CYP7B1: variants seen among roughly 807,000 people sequenced by gnomAD.
CYP7B1 encodes cytochrome P450 family 7 subfamily B member 1.
A neutral mutation model predicts 42.7 loss-of-function variants in CYP7B1; 29 were observed. The observed-to-expected ratio is 0.68, with a 90% CI of 0.51 to 0.93. The LOEUF (loss-of-function observed/expected upper bound fraction) is 0.93. Among genes scored for constraint, CYP7B1 ranks in the 40% least tolerant of loss-of-function variants. The probability of loss-of-function intolerance (pLI) is 0.00; values close to 1 mark genes in which losing one functional copy is unlikely to be tolerated. For synonymous variants in CYP7B1, 235 were observed against 218.2 expected, an observed-to-expected ratio of 1.08 and a Z score of -0.68; for missense variants, 655 against 600.5, an observed-to-expected ratio of 1.09 and a Z score of -0.95.
At chr8:64,630,266 CAGA>C (rs944964552) in intron 1 of CYP7B1, among the ~76,000 whole-genome samples, 9 of 152,264 alleles carry the variant, frequency 5.9e-5, no homozygotes, top group African/African-American at 2.2e-4. Context: ...CAGTCATCAC[CAGA>C]AATCAGGGCT....
intron 1 of CYP7B1, among the ~76,000 whole-genome samples, chr8:64,635,248 T>C (rs775790470): frequency 6.6e-6 from 1 of 152,252 alleles, no homozygotes; most frequent in Non-Finnish European, 1.5e-5. Context: ...AATTATGCAA[T>C]TCATTACCCC....
intron 1 of CYP7B1, among the ~76,000 whole-genome samples, chr8:64,709,952 G>C (rs997855249): frequency 1.3e-5 from 2 of 152,042 alleles, no homozygotes; most frequent in Admixed American, 1.3e-4. Context: ...TTTCATGACT[G>C]ATTTTGTCCT....
intron 1 of CYP7B1, among the ~76,000 whole-genome samples, chr8:64,671,084 T>C (rs893571951): frequency 4.0e-5 from 6 of 151,172 alleles, no homozygotes; most frequent in Admixed American, 1.3e-4. Flanking sequence ...TGTAAATGCC[T>C]CCCCCCCATG....
intron 1 of CYP7B1, among the ~76,000 whole-genome samples, chr8:64,794,634 T>C (rs966387125): frequency 5.3e-5 from 8 of 152,162 alleles, no homozygotes; most frequent in African/African-American, 1.7e-4. Context: ...TATGAAGGCA[T>C]TGCCCTAATG....
At position 64,591,727 on chromosome 8, in the gene CYP7B1, G is replaced by A. The variant is rs1490657042; in HGVS notation, c.*4915C>T. Among the ~76,000 whole-genome samples the A allele has an allele frequency of 1.3e-5, 2 of 152,106 alleles. No homozygotes were observed. Among genetic ancestry groups the A allele is most frequent in the Non-Finnish European group, 2.9e-5 (2 of 68,022 alleles). ...CAAGGCAGATAAAAGTTTTCTTCTAGGTTGCTTATAAGCATGCCTGATTTA... is the reference window on the plus strand; with the variant it reads ...CAAGGCAGATAAAAGTTTTCTTCTAAGTTGCTTATAAGCATGCCTGATTTA... On this transcript the variant is annotated 3_prime_UTR_variant, in exon 6 of 6. Transcript: ENST00000310193.
At chr8:64,705,626 T>G (rs950463449) in intron 1 of CYP7B1, among the ~76,000 whole-genome samples, 1 of 151,946 alleles carries the variant, frequency 6.6e-6, no homozygotes, top group African/African-American at 2.4e-5. Flanking sequence ...TACTTAGAAT[T>G]GACGGTTTTG....
intron 1 of CYP7B1, among the ~76,000 whole-genome samples, chr8:64,788,340 T>C (rs975073070): frequency 6.6e-6 from 1 of 152,194 alleles, no homozygotes; most frequent in African/African-American, 2.4e-5. Context: ...TTCAATGTCA[T>C]TTTGTGATAA....
chr8:64,675,685 CAACACTGA>C (rs1806435676), intron 1 of CYP7B1, among the ~76,000 whole-genome samples: 1 of 152,042 alleles, frequency 6.6e-6, no homozygotes, highest in African/African-American at 2.4e-5. Context: ...ACATCAGGTA[CAACACTGA>C]AACAAACGTG....
At position 64,766,116 on chromosome 8, in the gene CYP7B1, C is replaced by T. The variant is rs1028660680; in HGVS notation, c.122+32350G>A. Among the ~76,000 whole-genome samples the T allele has an allele frequency of 4.6e-5, 7 of 152,126 alleles. No homozygotes were observed. The East Asian group carries it at 9.6e-4, about 21-fold the overall frequency. ...TTCCCCACAGGCCACCAAGCAGTTC[C>T]CAGTGTAGACCCTCACTGGGACGCA... On this transcript the variant is annotated intron_variant, in intron 1 of 5. Coordinates refer to ENST00000310193, the MANE Select transcript of CYP7B1 (RefSeq NM_004820.5).
chr8:64,686,196 T>A (rs1253520362), intron 1 of CYP7B1, among the ~76,000 whole-genome samples: 6 of 44,364 alleles, frequency 1.4e-4, no homozygotes, highest in South Asian at 1.0e-3. Context: ...GGAGCCCCTC[T>A]GCCCGGCCAG....
intron 1 of CYP7B1, among the ~76,000 whole-genome samples, chr8:64,767,245 A>C (rs1804107333): frequency 6.6e-6 from 1 of 152,230 alleles, no homozygotes; most frequent in South Asian, 2.1e-4. Flanking sequence ...CCTGTCAAAC[A>C]TCAGGAAGCC....
At position 64,604,708 on chromosome 8, in the gene CYP7B1, C is replaced by CA. The variant is rs1805250844; in HGVS notation, c.1206dup (p.Asp403Ter). 1 of 1,614,038 alleles carries CA rather than the reference C, an allele frequency of 6.2e-7. No homozygotes were observed. Among genetic ancestry groups the CA allele is most frequent in the Admixed American group, 1.7e-5 (1 of 60,010 alleles). On this transcript the variant is annotated frameshift_variant, in exon 5 of 6. Coordinates refer to ENST00000310193, the MANE Select transcript of CYP7B1 (RefSeq NM_004820.5). LOFTEE classifies it low-confidence loss of function (END_TRUNC). ...TCTGGAGCTTCAAAGATTTCAGGGT[C>CA]ACCATGTAGGACTGGAGGAAAGATG...
chr8:64,692,665 A>T (rs1033234370), intron 1 of CYP7B1, among the ~76,000 whole-genome samples: 1 of 152,182 alleles, frequency 6.6e-6, no homozygotes, highest in African/African-American at 2.4e-5. Flanking sequence ...CAGAAGAGGG[A>T]AAAGTCTCCT....
At chr8:64,766,746 G>A (rs1359264337) in intron 1 of CYP7B1, among the ~76,000 whole-genome samples, 4 of 152,170 alleles carry the variant, frequency 2.6e-5, no homozygotes, top group Admixed American at 2.6e-4. Flanking sequence ...GGGAACGAAG[G>A]TCCTCTGAGT....
chr8:64,712,283 T>C (rs910223534), intron 1 of CYP7B1, among the ~76,000 whole-genome samples: 4 of 152,166 alleles, frequency 2.6e-5, no homozygotes, highest in African/African-American at 9.7e-5. Flanking sequence ...CCTTTTTTTT[T>C]TTTTTAAAAC....
intron 2 of CYP7B1, among the ~76,000 whole-genome samples, chr8:64,622,836 A>G (rs1026703809): frequency 9.9e-5 from 15 of 152,210 alleles, no homozygotes; most frequent in African/African-American, 3.4e-4. Context: ...TAAATCATTG[A>G]GAAACGTAGG....
chr8:64,643,130 TATATATACATATATAC>T (rs1243560497), intron 1 of CYP7B1, among the ~76,000 whole-genome samples: 1 of 131,128 alleles, frequency 7.6e-6, no homozygotes, highest in African/African-American at 2.8e-5. Context: ...CATATATACA[TATATATACATATATAC>T]ATATATACAT....
intron 1 of CYP7B1, among the ~76,000 whole-genome samples, chr8:64,645,225 A>G (rs4737194): frequency 0.7 from 101,145 of 145,090 alleles, 35,047 homozygotes; most frequent in Middle Eastern, 0.74. Context: ...AAACATACAT[A>G]TGCATGTGTC....
rs183838455 is a variant in CYP7B1 at position 64,591,200 on chromosome 8, A to G, written c.*5442T>C. 1.3e-5 allele frequency among the ~76,000 whole-genome samples: 2 copies of G among 152,300 alleles called. No individual in the cohort carries two copies. Among genetic ancestry groups the G allele is most frequent in the African/African-American group, 4.8e-5 (2 of 41,592 alleles). On this transcript the variant is annotated 3_prime_UTR_variant, in exon 6 of 6. Transcript: ENST00000310193. ...CCAAAAAGTTCAAACATCAATGATCACTGATTTAGATAAACAAATGAAGTA... is the reference window on the plus strand; with the variant it reads ...CCAAAAAGTTCAAACATCAATGATCGCTGATTTAGATAAACAAATGAAGTA...
Sources: allele counts gnomAD v4.1 joint callset (sites outside exome capture counted in the v4.1 genomes callset), GRCh38; gene constraint gnomAD v4.1.1; transcripts MANE v1.5; gene names NCBI Gene and HGNC (gene_info 2026-07-23, HGNC 2026-07-21).